Variants in CDK20 observed in about 807,000 individuals in gnomAD.
CDK20 encodes the protein cyclin-dependent kinase 20.
A neutral mutation model predicts 38.6 loss-of-function variants in CDK20; 40 were observed. The ratio of observed to expected loss-of-function variants is 1.04; its 90% CI spans 0.81 to 1.35. The LOEUF (loss-of-function observed/expected upper bound fraction) is 1.35, where lower values mean the gene tolerates loss of function less well. CDK20 is among the 40% of genes most tolerant of loss of function. The pLI, the probability that CDK20 is intolerant of heterozygous loss-of-function variation, is 0.00. For synonymous variants in CDK20, 209 were observed against 185.7 expected, an observed-to-expected ratio of 1.13 and a Z score of -1.02; for missense variants, 512 against 452.6, an observed-to-expected ratio of 1.13 and a Z score of -1.19.
At chr9:87,969,393 G>C in intron 6 of CDK20, 44 bp from the exon 7 acceptor site, 2 of 1,597,168 alleles carry the variant, frequency 1.3e-6, no homozygotes, top group East Asian at 2.2e-5. Context: ...AGTAGTTCCC[G>C]ACCCTTGCCA....
chr9:87,971,150 A>C lies in CDK20; in HGVS notation c.375T>G (p.His125Gln). ...VAFCHANNIV[H>Q]RDLKPANLLI... ...CCCGGCCTATGCTGAGACTGACCCG[A>C]TGTACAATGTTGTTGGCATGGCAGA... is the stretch of plus-strand genomic sequence containing the variant. Residue 125 changes from histidine (H) to glutamine (Q), a missense_variant, in exon 3 of 8, where the codon CAT becomes CAG. Physicochemically the swap from His to Gln is conservative, Grantham distance 24 (BLOSUM62 0). Transcript: ENST00000325303. The C allele has an allele frequency of 6.2e-7, 1 of 1,613,572 alleles. No individual in the cohort carries two copies.
chr9:87,974,312 T>TA, intron 1 of CDK20, 60 bp downstream of exon 1: 1 of 1,535,500 alleles, frequency 6.5e-7, no homozygotes, highest in East Asian at 2.2e-5. Flanking sequence ...GTTTAGAGCG[T>TA]TAGCCGGAGG....
intron 2 of CDK20, among the ~76,000 whole-genome samples, chr9:87,972,314 T>C (rs1829918756): frequency 1.3e-5 from 2 of 152,082 alleles, no homozygotes; most frequent in Admixed American, 1.3e-4. Context: ...GGACCCAGTT[T>C]GTGGGGATCT....
rs1026593862 is a variant in CDK20, at chr9:87,968,934, G to A, written c.843+260C>T. 29 of 492,472 alleles carry A rather than the reference G, an allele frequency of 5.9e-5. No individual in the cohort carries two copies. In the Admixed American group the frequency reaches 7.0e-4, roughly 12 times the overall value. 30.5% of individuals were successfully genotyped at this position (492,472 alleles called of 1,614,324 possible). ...CAGAAACCTGCACTCCCGGACACGC[G>A]CTCTCCTGAGAGTTGGGCATGCCCC... On this transcript the variant is annotated intron_variant, in intron 7 of 7. Coordinates refer to ENST00000325303, the MANE Select transcript of CDK20 (RefSeq NM_001039803.3).
intron 5 of CDK20, 181 bp from the exon 6 acceptor site, chr9:87,970,100 C>T: frequency 5.0e-6 from 3 of 604,730 alleles, no homozygotes; most frequent in South Asian, 7.3e-5. Context: ...CAGAGCAAAG[C>T]CCCAGCTGTT....
At position 87,966,770 on chromosome 9, in the gene CDK20, C is replaced by A. The variant is rs1316052503; in HGVS notation, c.*692G>T. The A allele has an allele frequency of 3.1e-6, 1 of 319,780 alleles. No homozygotes were observed. Among genetic ancestry groups the A allele is most frequent in the African/African-American group, 2.2e-5 (1 of 46,354 alleles). 19.8% of individuals were successfully genotyped at this position (319,780 alleles called of 1,614,324 possible). A position where few individuals can be genotyped will look rare whatever the true frequency, so the allele number is the denominator to read the frequency against. ...TCTCCTGCTGGATCCCCAACTGGAGCCATCCCTGGGCCTAGACTTCTGTCT... is the reference window on the plus strand; with the variant it reads ...TCTCCTGCTGGATCCCCAACTGGAGACATCCCTGGGCCTAGACTTCTGTCT... On this transcript the variant is annotated 3_prime_UTR_variant, in exon 8 of 8. Coordinates refer to ENST00000325303, the MANE Select transcript of CDK20 (RefSeq NM_001039803.3).
At position 87,969,929 on chromosome 9, in the gene CDK20, C is replaced by A; in HGVS notation, c.564-10G>T. On this transcript the variant is annotated splice_polypyrimidine_tract_variant and intron_variant, in intron 5 of 7. Coordinates refer to ENST00000325303, the MANE Select transcript of CDK20 (RefSeq NM_001039803.3). Reference sequence around the variant, plus strand: ...GATGCAGCCCACAGACCTGTGGACACAGAGCCCCAAGCAGGTCAGAGATCT... The same window carrying A: ...GATGCAGCCCACAGACCTGTGGACAAAGAGCCCCAAGCAGGTCAGAGATCT... 6.4e-7 allele frequency: 1 copy of A among 1,551,328 alleles called. No individual in the cohort carries two copies. Among genetic ancestry groups the A allele is most frequent in the Non-Finnish European group, 8.7e-7 (1 of 1,147,004 alleles).
intron 1 of CDK20, 149 bp from the exon 2 acceptor site, chr9:87,974,184 A>G (rs1383055720): frequency 7.1e-7 from 1 of 1,404,090 alleles, no homozygotes; most frequent in Non-Finnish European, 9.6e-7. Context: ...CCTGGGACCC[A>G]GCCGCTGGGG....
intron 2 of CDK20, among the ~76,000 whole-genome samples, chr9:87,972,272 CTTCTT>C (rs894266648): frequency 6.6e-6 from 1 of 152,040 alleles, no homozygotes; most frequent in Non-Finnish European, 1.5e-5. Flanking sequence ...GAAAAGGATA[CTTCTT>C]TATTTAGGTG....
intron 6 of CDK20, 33 bp downstream of exon 6, chr9:87,969,763 C>T: frequency 6.2e-7 from 1 of 1,613,168 alleles, no homozygotes; most frequent in Non-Finnish European, 8.5e-7. Flanking sequence ...GTAAACCTGC[C>T]CCACACCCAC....
In CDK20 at chr9:87,969,102, G is replaced by A. The variant is rs1219303648; in HGVS notation, c.843+92C>T. 6 of 1,422,218 alleles carry A rather than the reference G, an allele frequency of 4.2e-6. No homozygotes were observed. In the African/African-American group the frequency reaches 8.5e-5, roughly 20 times the overall value. 88.1% of individuals were successfully genotyped at this position (1,422,218 alleles called of 1,614,324 possible). A position where few individuals can be genotyped will look rare whatever the true frequency, so the allele number is the denominator to read the frequency against. ...CCAATCACAGGTTCTGAGGGTCGCT[G>A]ATGTGATGGGGTCACATGGCTACCA... On this transcript the variant is annotated intron_variant, in intron 7 of 7. Coordinates refer to ENST00000325303, the MANE Select transcript of CDK20 (RefSeq NM_001039803.3).
At chr9:87,973,519 CAG>C (rs546665624) in intron 2 of CDK20, among the ~76,000 whole-genome samples, 26 of 152,150 alleles carry the variant, frequency 1.7e-4, no homozygotes, top group Non-Finnish European at 2.9e-4. Context: ...ACCTGAGAAA[CAG>C]AGATCTGGAA....
At chr9:87,967,988 T>G in intron 7 of CDK20, 1 of 213,666 alleles carries the variant, frequency 4.7e-6, no homozygotes, top group Non-Finnish European at 9.4e-6. Flanking sequence ...GTTGCAGATC[T>G]GAAGAGTCAT....
chr9:87,969,406 C>A (rs1829690489), intron 6 of CDK20, 57 bp from the exon 7 acceptor site: 2 of 1,573,648 alleles, frequency 1.3e-6, no homozygotes, highest in African/African-American at 2.7e-5. Context: ...CCTTGCCATG[C>A]TCTCTGCTGT....
rs376539311 is a variant in CDK20, at chr9:87,967,489, C to G, written c.1014G>C (p.Leu338=). The G allele has an allele frequency of 2.6e-5, 41 of 1,555,602 alleles. No individual in the cohort carries two copies. The highest frequency in any genetic ancestry group is 3.3e-5 in the Non-Finnish European group (38 of 1,149,504). The change falls in exon 8 of 8, where the codon CTG becomes CTC. Residue 338 remains leucine (L), a synonymous_variant. Coordinates refer to ENST00000325303, the MANE Select transcript of CDK20 (RefSeq NM_001039803.3). ...PLEESLLNPE[L]IRPFILEG ...ACCCCTCCAGGATGAAGGGCCGAAT[C>G]AGCTCTGGGTTCAACAGCGACTCCT... is the stretch of plus-strand genomic sequence containing the variant.
intron 2 of CDK20, 78 bp downstream of exon 2, chr9:87,973,844 G>A: frequency 6.9e-7 from 1 of 1,449,448 alleles, no homozygotes; most frequent in Non-Finnish European, 9.5e-7. Flanking sequence ...TGAAGGCGTA[G>A]CTGGGAAAAT....
intron 6 of CDK20, 37 bp downstream of exon 6, chr9:87,969,759 C>T (rs759344857): frequency 1.9e-6 from 3 of 1,612,874 alleles, no homozygotes; most frequent in Non-Finnish European, 2.5e-6. Context: ...TGGAGTAAAC[C>T]TGCCCCACAC....
intron 2 of CDK20, among the ~76,000 whole-genome samples, chr9:87,971,541 T>A (rs1013849693): frequency 3.9e-5 from 6 of 152,206 alleles, no homozygotes; most frequent in Non-Finnish European, 7.3e-5. Flanking sequence ...GCCCCCACTC[T>A]AATTCTCCAT....
chr9:87,968,521 C>G (rs1294562200), intron 7 of CDK20: 7 of 152,608 alleles, frequency 4.6e-5, no homozygotes, highest in Non-Finnish European at 8.8e-5. Context: ...GGTCATCGTC[C>G]TCCCAGGCCT....
Sources: gnomAD v4.1 joint callset for allele counts (sites outside exome capture counted in the v4.1 genomes callset) on GRCh38, gnomAD v4.1.1 for gene constraint, MANE v1.5 for transcripts, NCBI Gene and HGNC (gene_info 2026-07-23, HGNC 2026-07-21) for gene names.